The following PRRX1 variants were observed in gnomAD, a reference collection of about 807,000 sequenced individuals.
PRRX1 encodes paired mesoderm homeobox protein 1.
PRRX1 carries 8 observed loss-of-function variants against 24.0 expected under a neutral mutation model. The ratio of observed to expected loss-of-function variants is 0.33; its 90% confidence interval spans 0.20 to 0.60. The LOEUF (loss-of-function observed/expected upper bound fraction) is 0.60, where lower values mean the gene tolerates loss of function less well. Among genes scored for constraint, PRRX1 ranks in the 20% least tolerant of loss-of-function variants. The pLI, the probability that PRRX1 is intolerant of heterozygous loss-of-function variation, is 0.82. For missense variants in PRRX1, 281 were observed against 322.4 expected (o/e 0.87, Z 0.98); for synonymous variants, 160 against 131.7 (o/e 1.22, Z -1.47).
rs779067237 is a variant in PRRX1 at position 170,667,296 on chromosome 1, ACG to A, written c.241+2851_241+2852del. 4.5e-4 allele frequency: 59 copies of A among 129,756 alleles called. 1 individual carries two copies. Among genetic ancestry groups the A allele is most frequent in the Middle Eastern group, 3.9e-3 (1 of 256 alleles). 8.0% of individuals were successfully genotyped at this position (129,756 alleles called of 1,614,324 possible). On this transcript the variant is annotated intron_variant, in intron 1 of 3. Coordinates refer to ENST00000239461, the MANE Select transcript of PRRX1 (RefSeq NM_022716.4). Reference sequence around the variant, plus strand: ...CTAGGAAAGTAGCCGAGAAACACACACGCGCGCGCGCGCGCACACACACACAC... The same window carrying A: ...CTAGGAAAGTAGCCGAGAAACACACACGCGCGCGCGCGCACACACACACAC...
chr1:170,718,028 T>C (rs2101916213), intron 1 of PRRX1, among the ~76,000 whole-genome samples: 1 of 152,246 alleles, frequency 6.6e-6, no homozygotes, highest in Admixed American at 6.5e-5. Context: ...ACCACAAGTG[T>C]AAAATACCAA....
chr1:170,677,699 A>G (rs1653368923), intron 1 of PRRX1, among the ~76,000 whole-genome samples: 1 of 152,216 alleles, frequency 6.6e-6, no homozygotes, highest in African/African-American at 2.4e-5. Flanking sequence ...CACCATGAGT[A>G]TCTGGAAGAG....
Position 170,682,674 on chromosome 1 carries a change from C to T in PRRX1, c.241+18215C>T, listed in dbSNP as rs150061030. ...TACCTACTATGTGCCAGTCATTATG[C>T]TAGGTTCTGGGATGCAGCAGTGAAT... On this transcript the variant is annotated intron_variant, in intron 1 of 3. Transcript: ENST00000239461. 3.9e-3 allele frequency among the ~76,000 whole-genome samples: 595 copies of T among 152,164 alleles called. 4 individuals carry two copies. Among genetic ancestry groups the T allele is most frequent in the African/African-American group, 0.014 (563 of 41,504 alleles).
At chr1:170,676,348 T>C (rs2150026) in intron 1 of PRRX1, among the ~76,000 whole-genome samples, 39,745 of 151,426 alleles carry the variant, frequency 0.26, 5,963 homozygotes, top group Admixed American at 0.36. Flanking sequence ...TTTTCTTTAC[T>C]TCACATTCTT....
intron 1 of PRRX1, among the ~76,000 whole-genome samples, chr1:170,681,556 A>G (rs1653509081): frequency 6.6e-6 from 1 of 151,960 alleles, no homozygotes; most frequent in African/African-American, 2.4e-5. Context: ...GCAAATCTGA[A>G]GTCAATTACA....
chr1:170,708,939 G>GT (rs1654657566), intron 1 of PRRX1, among the ~76,000 whole-genome samples: 1 of 152,120 alleles, frequency 6.6e-6, no homozygotes, highest in African/African-American at 2.4e-5. Context: ...GTGGCTGAGT[G>GT]TGAATGGACC....
intron 1 of PRRX1, among the ~76,000 whole-genome samples, chr1:170,689,641 G>A (rs1330558619): frequency 1.3e-5 from 2 of 151,978 alleles, no homozygotes; most frequent in African/African-American, 4.8e-5. Flanking sequence ...ATGGTTCCAA[G>A]GTCCTGATAC....
At chr1:170,721,103 G>A (rs1028480636) in intron 2 of PRRX1, among the ~76,000 whole-genome samples, 1 of 152,122 alleles carries the variant, frequency 6.6e-6, no homozygotes, top group East Asian at 1.9e-4. Flanking sequence ...CAGATCCAGA[G>A]TTCATGCTTT....
Position 170,737,218 on chromosome 1 carries a change from T to C in PRRX1, c.*1032T>C, listed in dbSNP as rs1207576815. 5.7e-6 allele frequency: 1 copy of C among 175,112 alleles called. No individual in the cohort carries two copies. The highest frequency in any genetic ancestry group is 2.4e-5 in the African/African-American group (1 of 41,920). The allele number at this position is 175,112 out of a possible 1,614,324, so 10.8% of individuals were successfully genotyped here. ...CTTAAGTTTGCAATTTCCCAAACAATACAAAAAGCAAATTACACACCCTCA... is the reference window on the plus strand; with the variant it reads ...CTTAAGTTTGCAATTTCCCAAACAACACAAAAAGCAAATTACACACCCTCA... On this transcript the variant is annotated 3_prime_UTR_variant, in exon 4 of 4. Transcript: ENST00000239461.
rs537389425 is a variant in PRRX1, at chr1:170,702,482, C to A, written c.242-17244C>A. ...GTCGGACTCCTCCCTATGGAGTTGG[C>A]AGTGCTGTACAATGGGTGTGTGTGC... is the stretch of plus-strand genomic sequence containing the variant. On this transcript the variant is annotated intron_variant, in intron 1 of 3. Transcript: ENST00000239461. Among the ~76,000 whole-genome samples, 11 of 152,226 alleles carry A rather than the reference C, an allele frequency of 7.2e-5. No individual in the cohort carries two copies. In the East Asian group the frequency reaches 1.7e-3, roughly 24 times the overall value.
chr1:170,734,194 G>T (rs1046200448), intron 3 of PRRX1, among the ~76,000 whole-genome samples: 2 of 150,110 alleles, frequency 1.3e-5, no homozygotes, highest in Non-Finnish European at 3.0e-5. Context: ...GTAAGGACCA[G>T]TTCCTATGAA....
rs548114626 is a variant in PRRX1 at position 170,730,578 on chromosome 1, T to C, written c.599+4177T>C. 4.7e-4 allele frequency: 235 copies of C among 503,064 alleles called. 1 individual carries two copies. Among genetic ancestry groups the C allele is most frequent in the Non-Finnish European group, 7.8e-4 (218 of 279,816 alleles). 31.2% of individuals were successfully genotyped at this position (503,064 alleles called of 1,614,324 possible). A position where few individuals can be genotyped will look rare whatever the true frequency, so the allele number is the denominator to read the frequency against. On this transcript the variant is annotated intron_variant, in intron 3 of 3. Coordinates refer to ENST00000239461, the MANE Select transcript of PRRX1 (RefSeq NM_022716.4). ...CAGAGATTGCTGTGCACAGGAAACA[T>C]CTGGGATCGCGTGACTGTGCAAACT...
chr1:170,717,522 A>G (rs1654942875), intron 1 of PRRX1, among the ~76,000 whole-genome samples: 1 of 152,338 alleles, frequency 6.6e-6, no homozygotes, highest in South Asian at 2.1e-4. Flanking sequence ...TTGGCTTAAT[A>G]GGGGATTTTC....
intron 1 of PRRX1, among the ~76,000 whole-genome samples, chr1:170,683,077 C>T (rs1653608676): frequency 6.6e-6 from 1 of 152,162 alleles, no homozygotes; most frequent in African/African-American, 2.4e-5. Context: ...GTAGGTCACA[C>T]TGAGGAACTG....
chr1:170,676,451 A>G (rs1653324403), intron 1 of PRRX1, among the ~76,000 whole-genome samples: 2 of 152,010 alleles, frequency 1.3e-5, no homozygotes, highest in Non-Finnish European at 1.5e-5. Flanking sequence ...CAGGAAATCC[A>G]ATCTATGCAG....
In PRRX1 at chr1:170,676,600, A is replaced by C. The variant is rs1653327924; in HGVS notation, c.241+12141A>C. ...GGATAAAACATAAAACTGCTTCACAAACTTTAAGAAAATGTGCAGATGCTG... is the reference window on the plus strand; with the variant it reads ...GGATAAAACATAAAACTGCTTCACACACTTTAAGAAAATGTGCAGATGCTG... On this transcript the variant is annotated intron_variant, in intron 1 of 3. Transcript: ENST00000239461. Among the ~76,000 whole-genome samples, 4 of 152,170 alleles carry C rather than the reference A, an allele frequency of 2.6e-5. No individual in the cohort carries two copies. The South Asian group carries it at 8.3e-4, about 31-fold the overall frequency.
chr1:170,681,489 C>A (rs982101847), intron 1 of PRRX1, among the ~76,000 whole-genome samples: 1 of 122,048 alleles, frequency 8.2e-6, no homozygotes, highest in Non-Finnish European at 1.7e-5. Context: ...AAAATGTTAT[C>A]TTTGCAAAAA....
intron 3 of PRRX1, 153 bp downstream of exon 3, chr1:170,726,554 G>A: frequency 1.1e-6 from 1 of 940,382 alleles, no homozygotes; most frequent in Non-Finnish European, 1.6e-6. Flanking sequence ...ATTTTCCCAG[G>A]AGATTATAAG....
chr1:170,733,097 A>G (rs1376658290), intron 3 of PRRX1, among the ~76,000 whole-genome samples: 1 of 152,158 alleles, frequency 6.6e-6, no homozygotes, highest in Non-Finnish European at 1.5e-5. Flanking sequence ...CTCATTTGGG[A>G]TATTACAGTC....
Sources: allele counts gnomAD v4.1 joint callset (sites outside exome capture counted in the v4.1 genomes callset), GRCh38; gene constraint gnomAD v4.1.1; transcripts MANE v1.5; gene names NCBI Gene and HGNC (gene_info 2026-07-23, HGNC 2026-07-21).